CNTN6: variants seen among roughly 807,000 people sequenced by gnomAD.
CNTN6 encodes contactin-6.
CNTN6 carries 137 observed loss-of-function variants against 122.8 expected under a neutral mutation model. That is an observed-to-expected ratio of 1.12 (90% CI 0.97 to 1.29). CNTN6 has a LOEUF of 1.29. CNTN6 is among the 50% of genes most tolerant of loss of function. The pLI is 0.00. For missense variants in CNTN6, 1,634 were observed against 1,223.4 expected (o/e 1.34, Z -5.01); for synonymous variants, 570 against 426.0 (o/e 1.34, Z -4.16).
intron 2 of CNTN6, among the ~76,000 whole-genome samples, chr3:1,154,448 C>CTTTTTTT (rs771133835): frequency 1.9e-4 from 27 of 140,516 alleles, no homozygotes; most frequent in East Asian, 4.2e-4. Flanking sequence ...TCTTTTCTTT[C>CTTTTTTT]TTTTTTTTTT....
At chr3:1,252,713 G>A (rs1479410004) in intron 4 of CNTN6, among the ~76,000 whole-genome samples, 1 of 152,080 alleles carries the variant, frequency 6.6e-6, no homozygotes, top group Non-Finnish European at 1.5e-5. Context: ...TTATTTTACT[G>A]CAGAGAAATA....
chr3:1,182,413 T>C (rs1209025288), intron 2 of CNTN6, among the ~76,000 whole-genome samples: 1 of 152,196 alleles, frequency 6.6e-6, no homozygotes, highest in Non-Finnish European at 1.5e-5. Context: ...TATAGAACTA[T>C]AGTTACTTGG....
intron 7 of CNTN6, among the ~76,000 whole-genome samples, chr3:1,303,606 A>G (rs1286302066): frequency 6.6e-6 from 1 of 152,158 alleles, no homozygotes; most frequent in Non-Finnish European, 1.5e-5. Flanking sequence ...GGAGCCCTAA[A>G]TAAGTCCTCG....
intron 11 of CNTN6, among the ~76,000 whole-genome samples, chr3:1,332,712 T>C (rs947458452): frequency 6.6e-6 from 1 of 152,058 alleles, no homozygotes; most frequent in African/African-American, 2.4e-5. Context: ...TAGAACTTCA[T>C]ATGTAAAATG....
At chr3:1,166,616 C>G (rs996171014) in intron 2 of CNTN6, among the ~76,000 whole-genome samples, 1 of 152,074 alleles carries the variant, frequency 6.6e-6, no homozygotes. Flanking sequence ...ATCAGTAGGG[C>G]TAGGGAGCTC....
intron 4 of CNTN6, among the ~76,000 whole-genome samples, chr3:1,239,422 T>C (rs9863814): frequency 0.15 from 20,738 of 141,328 alleles, 1,663 homozygotes; most frequent in East Asian, 0.37. Context: ...TTTCACAATA[T>C]CTGCAAAAAC....
chr3:1,211,599 G>A lies in CNTN6; in HGVS notation c.56-9088G>A, dbSNP rs1253041165. Among the ~76,000 whole-genome samples, 4 of 152,042 alleles carry A rather than the reference G, an allele frequency of 2.6e-5. No homozygotes were observed. In the East Asian group the frequency reaches 7.7e-4, roughly 29 times the overall value. ...AAGATCTAAAAATTCAGGGAATAAA[G>A]CCTCTCTCCTCTAAATTACTCATTC... On this transcript the variant is annotated intron_variant, in intron 2 of 22. Transcript: ENST00000446702.
intron 4 of CNTN6, among the ~76,000 whole-genome samples, chr3:1,250,922 A>T (rs754523307): frequency 1.2e-5 from 1 of 80,338 alleles, no homozygotes; most frequent in Admixed American, 1.4e-4. Flanking sequence ...CCATTTCCAG[A>T]TGATCCCTCC....
chr3:1,331,205 C>T (rs1426379153), intron 11 of CNTN6, among the ~76,000 whole-genome samples: 4 of 151,956 alleles, frequency 2.6e-5, no homozygotes, highest in African/African-American at 7.2e-5. Context: ...CTAGGGCATT[C>T]TTTCTTTCCT....
At chr3:1,240,986 A>T (rs2094475711) in intron 4 of CNTN6, among the ~76,000 whole-genome samples, 1 of 151,864 alleles carries the variant, frequency 6.6e-6, no homozygotes, top group Non-Finnish European at 1.5e-5. Flanking sequence ...GTACATTCTC[A>T]AGGGTGGGGA....
chr3:1,322,029 G>T (rs1009218806), intron 8 of CNTN6, among the ~76,000 whole-genome samples, 195 bp downstream of exon 8: 20 of 151,596 alleles, frequency 1.3e-4, no homozygotes, highest in African/African-American at 4.8e-4. Flanking sequence ...ATTTTAGCAT[G>T]GTCTATGAAT....
At chr3:1,329,712 T>C (rs1352496198) in intron 10 of CNTN6, 73 bp from the exon 11 acceptor site, 9 of 1,299,508 alleles carry the variant, frequency 6.9e-6, no homozygotes, top group Non-Finnish European at 9.6e-6. Context: ...CTGTCTAGCA[T>C]AGCAAGTCAC....
intron 19 of CNTN6, 77 bp from the exon 20 acceptor site, chr3:1,385,534 G>GTTGA: frequency 8.5e-7 from 1 of 1,180,772 alleles, no homozygotes; most frequent in East Asian, 2.5e-5. Context: ...TGTGGTTGTG[G>GTTGA]TTGATAGTTG....
At chr3:1,105,843 G>A (rs1051248483) in intron 1 of CNTN6, among the ~76,000 whole-genome samples, 2 of 152,232 alleles carry the variant, frequency 1.3e-5, no homozygotes, top group Non-Finnish European at 2.9e-5. Context: ...AAGTATACTA[G>A]AGAAACATAA....
intron 11 of CNTN6, among the ~76,000 whole-genome samples, chr3:1,340,267 T>C (rs564170163): frequency 6.6e-6 from 1 of 152,256 alleles, no homozygotes; most frequent in African/African-American, 2.4e-5. Context: ...TATACACATT[T>C]TTTTGTTTCT....
At chr3:1,300,723 AAG>A (rs1697234665) in intron 7 of CNTN6, among the ~76,000 whole-genome samples, 1 of 152,040 alleles carries the variant, frequency 6.6e-6, no homozygotes, top group Admixed American at 6.6e-5. Context: ...GAAAAGTTGA[AAG>A]AGTAACACAC....
At chr3:1,315,659 A>G (rs900839442) in intron 7 of CNTN6, among the ~76,000 whole-genome samples, 3 of 151,916 alleles carry the variant, frequency 2.0e-5, no homozygotes, top group African/African-American at 4.8e-5. Flanking sequence ...TTCAGTTTGG[A>G]GAGCACTGTC....
intron 5 of CNTN6, among the ~76,000 whole-genome samples, chr3:1,287,481 A>G (rs73004643): frequency 0.39 from 59,025 of 151,978 alleles, 12,941 homozygotes; most frequent in East Asian, 0.63. Context: ...GAAAAAGAGA[A>G]GTCTAGTCCT....
chr3:1,210,971 A>G (rs1299816839), intron 2 of CNTN6, among the ~76,000 whole-genome samples: 2 of 152,188 alleles, frequency 1.3e-5, no homozygotes, highest in Non-Finnish European at 2.9e-5. Flanking sequence ...TTGCCCCACC[A>G]TTCAGTGTAA....
Sources: gnomAD v4.1 joint callset for allele counts (sites outside exome capture counted in the v4.1 genomes callset) on GRCh38, gnomAD v4.1.1 for gene constraint, MANE v1.5 for transcripts, NCBI Gene and HGNC (gene_info 2026-07-23, HGNC 2026-07-21) for gene names.